ZNF407: variants seen among roughly 807,000 people sequenced by gnomAD.
ZNF407 encodes the protein zinc finger protein 407.
In ZNF407, 17 loss-of-function variants were observed where a neutral mutation model predicts 131.2. The ratio of observed to expected loss-of-function variants is 0.13; its 90% CI spans 0.09 to 0.19. The LOEUF is 0.19. Among genes scored for constraint, ZNF407 ranks in the 10% least tolerant of loss-of-function variants. The probability of loss-of-function intolerance (pLI) is 1.00; values close to 1 mark genes in which losing one functional copy is unlikely to be tolerated. For missense variants in ZNF407, 2,681 were observed against 2,830.6 expected (o/e 0.95, Z 1.20); for synonymous variants, 1,156 against 1,062.0 (o/e 1.09, Z -1.72).
intron 7 of ZNF407, among the ~76,000 whole-genome samples, chr18:74,890,892 T>A (rs901126576): frequency 6.6e-6 from 1 of 152,020 alleles, no homozygotes; most frequent in Non-Finnish European, 1.5e-5. Context: ...TCGGAAAGGA[T>A]GAGGAGGGGA....
At chr18:74,715,423 A>C (rs72969693) in intron 3 of ZNF407, among the ~76,000 whole-genome samples, 1 of 152,172 alleles carries the variant, frequency 6.6e-6, no homozygotes, top group Non-Finnish European at 1.5e-5. Context: ...CAAGAAAGTC[A>C]TGCAGCCAGT....
At chr18:75,060,643 T>C (rs368285671) in intron 8 of ZNF407, among the ~76,000 whole-genome samples, 1,605 of 151,746 alleles carry the variant, frequency 0.011, 13 homozygotes, top group African/African-American at 0.02. Flanking sequence ...GTAGCTGGGA[T>C]TACAGGCACC....
intron 3 of ZNF407, among the ~76,000 whole-genome samples, chr18:74,708,462 C>T (rs1196109631): frequency 2.6e-5 from 4 of 152,176 alleles, no homozygotes; most frequent in Admixed American, 2.6e-4. Flanking sequence ...TTTATAACTT[C>T]ATTCTGACTT....
At chr18:74,641,227 T>G in intron 3 of ZNF407, 105 bp downstream of exon 3, 2 of 781,522 alleles carry the variant, frequency 2.6e-6, no homozygotes, top group East Asian at 2.5e-5. Context: ...GCTAAAATTA[T>G]GCATGCGTAC....
chr18:74,724,644 G>A (rs995381422), intron 3 of ZNF407, among the ~76,000 whole-genome samples: 1 of 152,134 alleles, frequency 6.6e-6, no homozygotes, highest in Non-Finnish European at 1.5e-5. Context: ...TATGTGGGAA[G>A]TGCTTTCCTA....
intron 3 of ZNF407, among the ~76,000 whole-genome samples, chr18:74,734,154 G>A (rs549593773): frequency 6.6e-6 from 1 of 152,226 alleles, no homozygotes; most frequent in South Asian, 2.1e-4. Context: ...GAGGCAACTG[G>A]TTCCAGCAGT....
chr18:75,033,887 AC>A (rs749257192), intron 8 of ZNF407, among the ~76,000 whole-genome samples: 1 of 152,250 alleles, frequency 6.6e-6, no homozygotes, highest in East Asian at 1.9e-4. Context: ...CCTTTCCCTG[AC>A]CCTCTGAAAA....
chr18:74,640,527 T>C (rs1984665173), intron 2 of ZNF407, among the ~76,000 whole-genome samples: 1 of 152,096 alleles, frequency 6.6e-6, no homozygotes, highest in South Asian at 2.1e-4. Context: ...TACCATTGTT[T>C]TAATGTGAGT....
chr18:74,813,099 G>A (rs528881335), intron 4 of ZNF407, among the ~76,000 whole-genome samples: 11 of 152,316 alleles, frequency 7.2e-5, no homozygotes, highest in Admixed American at 5.2e-4. Flanking sequence ...GGTGTGATAT[G>A]ACAAGAAGGA....
At chr18:74,797,362 T>C (rs1313809724) in intron 4 of ZNF407, among the ~76,000 whole-genome samples, 1 of 152,242 alleles carries the variant, frequency 6.6e-6, no homozygotes, top group African/African-American at 2.4e-5. Context: ...AATTTCAATT[T>C]AGTGGCAACA....
chr18:74,838,117 T>A (rs536852401), intron 4 of ZNF407, among the ~76,000 whole-genome samples: 3 of 152,372 alleles, frequency 2.0e-5, no homozygotes, highest in Non-Finnish European at 4.4e-5. Context: ...CCCCTGTTGT[T>A]TCTAAATACT....
chr18:74,816,162 A>C (rs1970265086), intron 4 of ZNF407, among the ~76,000 whole-genome samples: 1 of 152,204 alleles, frequency 6.6e-6, no homozygotes, highest in Admixed American at 6.5e-5. Context: ...ACTAAAGAGA[A>C]TTCCTTGCTG....
Position 74,764,297 on chromosome 18 carries a change from T to C in ZNF407, c.4803-17131T>C, listed in dbSNP as rs183117469. On this transcript the variant is annotated intron_variant, in intron 3 of 8. Transcript: ENST00000299687. The stretch of plus-strand genomic sequence containing the variant: ...AACCTATGTTCTGTTTGTGCTTTTT[T>C]TGTGTGTGTTTTCTATTCCTTTTTA... Among the ~76,000 whole-genome samples, 83 of 152,342 alleles carry C rather than the reference T, an allele frequency of 5.4e-4. No individual in the cohort carries two copies. In the East Asian group the frequency reaches 0.014, roughly 26 times the overall value.
At position 74,633,539 on chromosome 18, in the gene ZNF407, G is replaced by C; in HGVS notation, c.2520G>C (p.Lys840Asn). ...AATTAGCTTCAACCACTACTCCAAA[G>C]AGAGGGAGACCTAAAGGTAACATCT... is the stretch of plus-strand genomic sequence containing the variant. The part of the protein sequence containing the change: ...DDELASTTTP[K>N]RGRPKGNISR... The change falls in exon 2 of 9, where the codon AAG (lysine) becomes AAC (asparagine). Residue 840 changes from lysine to asparagine, a missense_variant. Physicochemically the swap from Lys to Asn is moderately conservative, Grantham distance 94 (BLOSUM62 0). Transcript: ENST00000299687. 1.2e-6 allele frequency: 2 copies of C among 1,614,032 alleles called. No individual in the cohort carries two copies. The highest frequency in any genetic ancestry group is 1.7e-6 in the Non-Finnish European group (2 of 1,179,894).
At chr18:74,756,775 A>G (rs1968974621) in intron 3 of ZNF407, among the ~76,000 whole-genome samples, 1 of 152,014 alleles carries the variant, frequency 6.6e-6, no homozygotes, top group Non-Finnish European at 1.5e-5. Flanking sequence ...CAGTTGCTTT[A>G]CTTGTTATAG....
intron 3 of ZNF407, among the ~76,000 whole-genome samples, chr18:74,723,401 G>T (rs1440310723): frequency 6.6e-6 from 1 of 152,094 alleles, no homozygotes; most frequent in East Asian, 1.9e-4. Context: ...ACGGACTCTG[G>T]ATTATGGTAT....
At chr18:74,665,163 A>T (rs1343461957) in intron 3 of ZNF407, among the ~76,000 whole-genome samples, 1 of 152,172 alleles carries the variant, frequency 6.6e-6, no homozygotes, top group Non-Finnish European at 1.5e-5. Flanking sequence ...TGTTAGTGTT[A>T]GTTTGGCTAC....
At chr18:74,868,166 G>T (rs1971039262) in intron 4 of ZNF407, among the ~76,000 whole-genome samples, 1 of 152,208 alleles carries the variant, frequency 6.6e-6, no homozygotes, top group Non-Finnish European at 1.5e-5. Flanking sequence ...TCTCTGAAAT[G>T]ACATTTTGTA....
intron 8 of ZNF407, among the ~76,000 whole-genome samples, chr18:75,035,652 C>T (rs1446511052): frequency 6.6e-6 from 1 of 152,246 alleles, no homozygotes; most frequent in East Asian, 1.9e-4. Flanking sequence ...CAGGAAGGAG[C>T]AGTGGCTGAT....
Sources: allele counts gnomAD v4.1 joint callset (sites outside exome capture counted in the v4.1 genomes callset), GRCh38; gene constraint gnomAD v4.1.1; transcripts MANE v1.5; gene names NCBI Gene and HGNC (gene_info 2026-07-23, HGNC 2026-07-21).